The following EML3 variants were observed in gnomAD, a reference collection of about 807,000 sequenced individuals.
EML3 encodes EMAP like 3.
A neutral mutation model predicts 106.7 loss-of-function variants in EML3; 53 were observed. The ratio of observed to expected loss-of-function variants is 0.50; its 90% CI spans 0.40 to 0.62. The LOEUF is 0.62. EML3 is among the 20% of genes least tolerant of loss of function. The pLI is 0.00. For missense variants in EML3, 994 were observed against 1,209.1 expected (o/e 0.82, Z 2.64); for synonymous variants, 499 against 489.6 (o/e 1.02, Z -0.25).
chr11:62,607,888 C>A, intron 10 of EML3, 67 bp from the exon 11 acceptor site: 1 of 1,551,080 alleles, frequency 6.4e-7, no homozygotes. Flanking sequence ...TGACTCTCCT[C>A]AATTTGCATC....
At chr11:62,607,496 C>A in intron 11 of EML3, 170 bp downstream of exon 11, 1 of 710,032 alleles carries the variant, frequency 1.4e-6, no homozygotes, top group South Asian at 2.5e-5. Flanking sequence ...GAGATCTTGC[C>A]ATTGCACTCT....
chr11:62,602,931 C>G, intron 20 of EML3, 42 bp from the exon 21 acceptor site: 6 of 1,493,646 alleles, frequency 4.0e-6, no homozygotes, highest in Non-Finnish European at 5.3e-6. Flanking sequence ...CTACCCACCG[C>G]CACCCACGGC....
Position 62,604,102 on chromosome 11 carries a change from G to A in EML3, c.2071+11C>T, listed in dbSNP as rs1441309957. 1 of 1,614,056 alleles carries A rather than the reference G, an allele frequency of 6.2e-7. No homozygotes were observed. Among genetic ancestry groups the A allele is most frequent in the Non-Finnish European group, 8.5e-7 (1 of 1,180,006 alleles). ...GGACGCATGTGAGTCCAGGGTTGGG[G>A]TGGCTCCCACCTGGGCTGTACCGGA... On this transcript the variant is annotated intron_variant, in intron 17 of 21. Transcript: ENST00000394773.
chr11:62,611,483 G>T lies in EML3; in HGVS notation c.136C>A (p.Leu46Met). Residue 46 changes from leucine to methionine, a missense_variant, in exon 2 of 22, where the codon CTG (leucine) becomes ATG (methionine). Around this residue, in one of 3 missense-constraint regions of EML3, gnomAD observed 269 missense variants for 265.1 expected, o/e 1.01. Coordinates refer to ENST00000394773, the MANE Select transcript of EML3 (RefSeq NM_153265.3). ...ALAEALRLLR[L>M]QVPPSSLQGS... ...TGCAGGGAGGAAGGGGGCACCTGCA[G>T]CCGCAGCAGGCGAAGGGCTTCTGCC... is the stretch of plus-strand genomic sequence containing the variant. The T allele has an allele frequency of 6.2e-7, 1 of 1,613,732 alleles. No homozygotes were observed. Among genetic ancestry groups the T allele is most frequent in the Non-Finnish European group, 8.5e-7 (1 of 1,179,922 alleles).
At chr11:62,607,158 G>C (rs186722753) in intron 11 of EML3, 59 bp from the exon 12 acceptor site, 14 of 1,590,544 alleles carry the variant, frequency 8.8e-6, no homozygotes, top group Non-Finnish European at 1.2e-5. Context: ...ATTAAAAGTC[G>C]CAGGGCAGGC....
At chr11:62,606,856 CAAAAAAAAAAAA>C in intron 12 of EML3, 90 bp downstream of exon 12, 1 of 915,900 alleles carries the variant, frequency 1.1e-6, no homozygotes, top group Non-Finnish European at 1.5e-6. Context: ...GACCTCATCT[CAAAAAAAAAAAA>C]AAAAAAGATG....
At chr11:62,606,654 C>T (rs534680402) in intron 12 of EML3, among the ~76,000 whole-genome samples, 22 of 151,874 alleles carry the variant, frequency 1.4e-4, no homozygotes, top group Non-Finnish European at 2.5e-4. Context: ...GTCAGGAATT[C>T]GAGACCAGCC....
In EML3 at chr11:62,611,118, T is replaced by C. The variant is rs1320459693; in HGVS notation, c.421A>G (p.Arg141Gly). ...GCACGCTGTGGGGGCTGCAAGGGCC[T>C]GAGGATCCCCGGGGGGCCAGGGGAG... ...AGSPGPPGILRPLQPPQRADT... is the reference protein window; with the variant it reads ...AGSPGPPGILGPLQPPQRADT... The change falls in exon 3 of 22, where the codon AGG becomes GGG. Residue 141 changes from arginine (R) to glycine (G), a missense_variant. Arg to Gly is a moderately radical substitution (Grantham distance 125, BLOSUM62 -2). Around this residue, in one of 3 missense-constraint regions of EML3, gnomAD observed 269 missense variants for 265.1 expected, o/e 1.01. Coordinates refer to ENST00000394773, the MANE Select transcript of EML3 (RefSeq NM_153265.3). 14 of 1,597,170 alleles carry C rather than the reference T, an allele frequency of 8.8e-6. No individual in the cohort carries two copies. The highest frequency in any genetic ancestry group is 1.2e-5 in the Non-Finnish European group (14 of 1,177,430).
rs761617534 is a variant in EML3 at position 62,609,734 on chromosome 11, G to T, written c.567-38C>A. Reference sequence around the variant, plus strand: ...GAGAAAGCACAGGGATTGGGGTCAGGTCCCAAGACCTAAGCGGGGAGGGGC... The same window carrying T: ...GAGAAAGCACAGGGATTGGGGTCAGTTCCCAAGACCTAAGCGGGGAGGGGC... On this transcript the variant is annotated intron_variant, in intron 4 of 21. Transcript: ENST00000394773. 105 of 1,552,206 alleles carry T rather than the reference G, an allele frequency of 6.8e-5. 1 individual carries two copies. The South Asian group carries it at 1.3e-3, about 19-fold the overall frequency.
Position 62,602,516 on chromosome 11 carries a change from G to C in EML3, c.2650C>G (p.Arg884Gly), listed in dbSNP as rs1189185954. 1 of 1,513,806 alleles carries C rather than the reference G, an allele frequency of 6.6e-7. No homozygotes were observed. The allele number at this position is 1,513,806 out of a possible 1,614,324, so 93.8% of individuals were successfully genotyped here. A position where few individuals can be genotyped will look rare whatever the true frequency, so the allele number is the denominator to read the frequency against. Residue 884 changes from arginine to glycine, a missense_variant, in exon 22 of 22, where the codon CGA (arginine) becomes GGA (glycine). By Grantham distance (125) the Arg-to-Gly change is moderately radical. Around this residue, in one of 3 missense-constraint regions of EML3, gnomAD observed 713 missense variants for 920.5 expected, o/e 0.77. Transcript: ENST00000394773. ...GAGPAPATPS[R>G]TPSLSPASSL... ...GAGGCGGGGGACAGGGAGGGGGTTC[G>C]AGAGGGCGTGGCGGGCGCCGGCCCC...
intron 10 of EML3, 90 bp downstream of exon 10, chr11:62,608,111 A>G: frequency 7.8e-7 from 1 of 1,280,980 alleles, no homozygotes; most frequent in Non-Finnish European, 1.1e-6. Flanking sequence ...CCAAAAAGGA[A>G]GGAAATGTAT....
intron 1 of EML3, chr11:62,611,840 TG>T (rs1942846910): frequency 1.8e-6 from 1 of 564,586 alleles, no homozygotes; most frequent in East Asian, 3.1e-5. Context: ...CCGCAAAGAC[TG>T]GGAGTACCAT....
Position 62,609,362 on chromosome 11 carries a change from A to G in EML3, c.750T>C (p.Leu250=), listed in dbSNP as rs1410155069. Residue 250 remains leucine (L), a synonymous_variant, in exon 6 of 22, where the codon CTT becomes CTC. Transcript: ENST00000394773. Reference sequence around the variant, plus strand: ...TGGAAGGGGCAGGATACACCCAGTCAAGGCTGAGGGTCTCTGGCGGTGGGC... The same window carrying G: ...TGGAAGGGGCAGGATACACCCAGTCGAGGCTGAGGGTCTCTGGCGGTGGGC... ...PSGPPPETLS[L]DWVYGYRGRD... The G allele has an allele frequency of 1.3e-6, 2 of 1,577,170 alleles. No homozygotes were observed. Among genetic ancestry groups the G allele is most frequent in the Admixed American group, 1.8e-5 (1 of 54,838 alleles).
rs186840184 is a variant in EML3, at chr11:62,603,581, C to A, written c.2257+148G>T. 22 of 696,720 alleles carry A rather than the reference C, an allele frequency of 3.2e-5. No homozygotes were observed. The East Asian group carries it at 5.7e-4, about 18-fold the overall frequency. The allele number at this position is 696,720 out of a possible 1,614,324, so 43.2% of individuals were successfully genotyped here. On this transcript the variant is annotated intron_variant, in intron 19 of 21. Coordinates refer to ENST00000394773, the MANE Select transcript of EML3 (RefSeq NM_153265.3). Reference sequence around the variant, plus strand: ...AGACATGGTGTGAAACTAGTTGTTTCCAAATCACGAAATTTCTCCTACATA... The same window carrying A: ...AGACATGGTGTGAAACTAGTTGTTTACAAATCACGAAATTTCTCCTACATA...
chr11:62,609,902 C>T (rs1485183531), intron 4 of EML3, among the ~76,000 whole-genome samples: 3 of 152,172 alleles, frequency 2.0e-5, no homozygotes, highest in South Asian at 2.1e-4. Flanking sequence ...AGGGGCTGAG[C>T]GCACAGCACA....
chr11:62,612,351 T>C (rs1942874107), intron 1 of EML3, 85 bp downstream of exon 1: 2 of 1,396,630 alleles, frequency 1.4e-6, no homozygotes, highest in Non-Finnish European at 1.9e-6. Flanking sequence ...CGGGGACGCC[T>C]CCAGACAGCC....
At chr11:62,606,003 C>T (rs1942495150) in intron 13 of EML3, 23 bp from the exon 14 acceptor site, 4 of 1,613,806 alleles carry the variant, frequency 2.5e-6, no homozygotes, top group Non-Finnish European at 3.4e-6. Context: ...AGCAGAATGT[C>T]AAGAGCCCAC....
At chr11:62,611,774 C>A in intron 1 of EML3, 178 bp from the exon 2 acceptor site, 1 of 701,594 alleles carries the variant, frequency 1.4e-6, no homozygotes, top group Non-Finnish European at 2.3e-6. Context: ...GGGCCTCCTT[C>A]TGGCAGGGCA....
Position 62,606,983 on chromosome 11 carries a change from C to T in EML3, c.1479G>A (p.Lys493=). ...LTWGRSPSDS[K]TPGRGGAKET... is the part of the protein sequence containing the mutation. Reference sequence around the variant, plus strand: ...CTTTGGCGCCACCCCTGCCTGGGGTCTTGGAATCTGAAGGGCTCCGCCCCC... The same window carrying T: ...CTTTGGCGCCACCCCTGCCTGGGGTTTTGGAATCTGAAGGGCTCCGCCCCC... The change falls in exon 12 of 22, where the codon AAG becomes AAA. Residue 493 remains lysine (K), a synonymous_variant. Coordinates refer to ENST00000394773, the MANE Select transcript of EML3 (RefSeq NM_153265.3). 1 of 1,614,028 alleles carries T rather than the reference C, an allele frequency of 6.2e-7. No homozygotes were observed.
Sources: gnomAD v4.1 joint callset for allele counts (sites outside exome capture counted in the v4.1 genomes callset) on GRCh38, gnomAD v4.1.1 for gene constraint, gnomAD v4.1.1 regional missense constraint, MANE v1.5 for transcripts, NCBI Gene and HGNC (gene_info 2026-07-23, HGNC 2026-07-21) for gene names.